The following SCCPDH variants were observed in gnomAD, a reference collection of about 807,000 sequenced individuals.
The protein encoded by SCCPDH is saccharopine dehydrogenase (putative).
SCCPDH carries 34 observed loss-of-function variants against 51.5 expected under a neutral mutation model. That is an observed-to-expected ratio of 0.66 (90% confidence interval 0.50 to 0.88). SCCPDH has a LOEUF of 0.88. SCCPDH is among the 40% of genes least tolerant of loss of function. SCCPDH has a pLI of 0.00. For synonymous variants in SCCPDH, 187 were observed against 191.3 expected (o/e 0.98, Z 0.19); for missense variants, 464 against 527.1 (o/e 0.88, Z 1.17).
intron 2 of SCCPDH, 44 bp downstream of exon 2, chr1:246,727,048 C>A: frequency 7.3e-7 from 1 of 1,362,152 alleles, no homozygotes; most frequent in Non-Finnish European, 1.0e-6. Flanking sequence ...ACAATCCATT[C>A]ATTTCTAGCA....
At chr1:246,765,679 A>G (rs1669077591) in intron 10 of SCCPDH, among the ~76,000 whole-genome samples, 1 of 152,170 alleles carries the variant, frequency 6.6e-6, no homozygotes, top group Non-Finnish European at 1.5e-5. Flanking sequence ...ATTGGCTTCA[A>G]TGATTGTCAA....
At chr1:246,731,301 C>CA (rs1242031145) in intron 2 of SCCPDH, among the ~76,000 whole-genome samples, 2 of 152,210 alleles carry the variant, frequency 1.3e-5, no homozygotes, top group African/African-American at 4.8e-5. Context: ...CCAGATGTGA[C>CA]AAAATGCAGT....
intron 2 of SCCPDH, among the ~76,000 whole-genome samples, chr1:246,728,154 A>G (rs1338599446): frequency 6.6e-6 from 1 of 152,208 alleles, no homozygotes; most frequent in Admixed American, 6.5e-5. Flanking sequence ...GGCCTGTGTA[A>G]CAAGGTGAAT....
Position 246,726,982 on chromosome 1 carries a change from T to C in SCCPDH, c.281T>C (p.Val94Ala), listed in dbSNP as rs774157245. 1.6e-5 allele frequency: 25 copies of C among 1,612,676 alleles called. No individual in the cohort carries two copies. In the South Asian group the frequency reaches 2.6e-4, roughly 17 times the overall value. ...GATGAAATGGCTAAACAGGCAACAG[T>C]TGTCCTCAATTGCGTAGGACCAGTA... ...SLDEMAKQAT[V>A]VLNCVGPYRF... The change falls in exon 2 of 12, where the codon GTT becomes GCT. Residue 94 changes from valine to alanine, a missense_variant. Transcript: ENST00000366510.
intron 2 of SCCPDH, among the ~76,000 whole-genome samples, chr1:246,734,296 A>G (rs1668537872): frequency 6.6e-6 from 1 of 152,210 alleles, no homozygotes; most frequent in Non-Finnish European, 1.5e-5. Flanking sequence ...GGGTGCAGAA[A>G]GCATATGGAG....
At chr1:246,732,785 C>G (rs977306663) in intron 2 of SCCPDH, among the ~76,000 whole-genome samples, 4 of 152,070 alleles carry the variant, frequency 2.6e-5, no homozygotes, top group African/African-American at 9.7e-5. Context: ...CCACACTAAG[C>G]TCTTTGTATT....
At chr1:246,735,311 G>A (rs1176391942) in intron 2 of SCCPDH, among the ~76,000 whole-genome samples, 2 of 152,184 alleles carry the variant, frequency 1.3e-5, no homozygotes, top group Admixed American at 1.3e-4. Flanking sequence ...AACAGGAACA[G>A]CTCCTTTTTC....
chr1:246,727,394 T>C (rs1339352231), intron 2 of SCCPDH, among the ~76,000 whole-genome samples: 1 of 151,510 alleles, frequency 6.6e-6, no homozygotes, highest in Non-Finnish European at 1.5e-5. Flanking sequence ...AAAAGAAGAC[T>C]AAAAAACGAC....
At chr1:246,754,457 C>T (rs1319932697) in intron 5 of SCCPDH, among the ~76,000 whole-genome samples, 1 of 152,142 alleles carries the variant, frequency 6.6e-6, no homozygotes, top group Admixed American at 6.6e-5. Flanking sequence ...TTTTCAGTGC[C>T]GCAAAAGAAA....
intron 5 of SCCPDH, among the ~76,000 whole-genome samples, chr1:246,744,472 C>T (rs1451525512): frequency 6.6e-6 from 1 of 152,124 alleles, no homozygotes; most frequent in Non-Finnish European, 1.5e-5. Context: ...GCATGTACCA[C>T]CACGCCCGGC....
intron 5 of SCCPDH, among the ~76,000 whole-genome samples, chr1:246,753,163 C>T (rs546765775): frequency 2.6e-5 from 4 of 151,954 alleles, no homozygotes; most frequent in East Asian, 1.9e-4. Flanking sequence ...CTCTTTCATC[C>T]TCTTTATGTT....
intron 9 of SCCPDH, among the ~76,000 whole-genome samples, chr1:246,761,097 C>T (rs970488931): frequency 9.9e-5 from 15 of 152,216 alleles, no homozygotes; most frequent in African/African-American, 1.4e-4. Context: ...GGCTAATCCC[C>T]GCCTGTGCAC....
intron 4 of SCCPDH, among the ~76,000 whole-genome samples, chr1:246,742,023 C>G (rs12143299): frequency 6.6e-6 from 1 of 152,170 alleles, no homozygotes; most frequent in African/African-American, 2.4e-5. Context: ...GAGCTGAGAT[C>G]GCGCTGTTGC....
At chr1:246,734,675 G>A (rs937317403) in intron 2 of SCCPDH, among the ~76,000 whole-genome samples, 22 of 152,170 alleles carry the variant, frequency 1.4e-4, no homozygotes, top group Admixed American at 1.2e-3. Context: ...GGTCGATTGT[G>A]TCTTTTAAGT....
At chr1:246,765,603 G>C (rs1222451310) in intron 10 of SCCPDH, among the ~76,000 whole-genome samples, 1 of 152,160 alleles carries the variant, frequency 6.6e-6, no homozygotes, top group African/African-American at 2.4e-5. Context: ...TTGTTTTTAA[G>C]TGAAGTGTGT....
chr1:246,758,846 GTC>G (rs1461599915), intron 6 of SCCPDH, among the ~76,000 whole-genome samples, 186 bp from the exon 7 acceptor site: 2 of 151,868 alleles, frequency 1.3e-5, no homozygotes, highest in East Asian at 3.9e-4. Flanking sequence ...TTGAGACAGA[GTC>G]TCTCTTTGTT....
intron 1 of SCCPDH, among the ~76,000 whole-genome samples, chr1:246,726,338 G>T (rs1235034423): frequency 6.6e-6 from 1 of 151,906 alleles, no homozygotes; most frequent in Non-Finnish European, 1.5e-5. Flanking sequence ...CTGTGTCTAA[G>T]TGATTCTACC....
At chr1:246,737,743 C>T (rs1389154946) in intron 3 of SCCPDH, among the ~76,000 whole-genome samples, 4 of 152,010 alleles carry the variant, frequency 2.6e-5, no homozygotes, top group African/African-American at 9.7e-5. Flanking sequence ...AGGTGCACAC[C>T]ACCACACCTG....
At chr1:246,727,139 T>C in intron 2 of SCCPDH, 135 bp downstream of exon 2, 1 of 678,900 alleles carries the variant, frequency 1.5e-6, no homozygotes, top group Non-Finnish European at 2.5e-6. Context: ...TTTTTTCTTC[T>C]TGCGAGGAGC....
Sources: allele counts gnomAD v4.1 joint callset (sites outside exome capture counted in the v4.1 genomes callset), GRCh38; gene constraint gnomAD v4.1.1; transcripts MANE v1.5; gene names NCBI Gene and HGNC (gene_info 2026-07-23, HGNC 2026-07-21).